Variants in UBE3C observed in about 807,000 individuals in gnomAD.
UBE3C encodes the protein ubiquitin-protein ligase E3C.
A neutral mutation model predicts 129.4 loss-of-function variants in UBE3C; 42 were observed. The observed-to-expected ratio is 0.32, with a 90% CI of 0.25 to 0.42. UBE3C has a LOEUF of 0.42. UBE3C is among the 10% of genes least tolerant of loss of function. The pLI, the probability that UBE3C is intolerant of heterozygous loss-of-function variation, is 1.00. For missense variants in UBE3C, 1,049 were observed against 1,319.1 expected (o/e 0.80, Z 3.17); for synonymous variants, 510 against 492.4 (o/e 1.04, Z -0.47).
At chr7:157,190,706 G>T (rs1412579402) in intron 10 of UBE3C, among the ~76,000 whole-genome samples, 1 of 152,160 alleles carries the variant, frequency 6.6e-6, no homozygotes, top group Non-Finnish European at 1.5e-5. Flanking sequence ...GAACAGTGTA[G>T]ACTCCCTTTG....
intron 15 of UBE3C, chr7:157,222,539 C>T (rs1004958587): frequency 9.9e-5 from 15 of 152,194 alleles, no homozygotes; most frequent in Non-Finnish European, 1.6e-4. Context: ...CCCACCTCAG[C>T]CTCCTGAGTA....
chr7:157,151,796 C>T (rs1312727643), intron 1 of UBE3C, among the ~76,000 whole-genome samples: 1 of 152,176 alleles, frequency 6.6e-6, no homozygotes, highest in African/African-American at 2.4e-5. Context: ...TCAGTCAGCC[C>T]TTGGTTTGTC....
intron 22 of UBE3C, among the ~76,000 whole-genome samples, chr7:157,267,152 G>A (rs1343469469): frequency 6.6e-6 from 1 of 152,134 alleles, no homozygotes; most frequent in Non-Finnish European, 1.5e-5. Context: ...GGCCAGGCAC[G>A]GTGGCTCACG....
At chr7:157,259,966 A>G (rs1387161622) in intron 22 of UBE3C, among the ~76,000 whole-genome samples, 1 of 152,192 alleles carries the variant, frequency 6.6e-6, no homozygotes, top group Non-Finnish European at 1.5e-5. Flanking sequence ...AGTGAGGCCT[A>G]AGTGCAGTGA....
intron 22 of UBE3C, chr7:157,263,335 C>G (rs1385822633): frequency 1.3e-5 from 2 of 152,678 alleles, no homozygotes; most frequent in Non-Finnish European, 2.9e-5. Flanking sequence ...ACAGAGAATC[C>G]GTGCCCTTTT....
chr7:157,163,317 G>A (rs2116860410), intron 1 of UBE3C, among the ~76,000 whole-genome samples: 1 of 150,454 alleles, frequency 6.6e-6, no homozygotes, highest in East Asian at 2.0e-4. Flanking sequence ...AACCCGGGAG[G>A]CGGAGCTTGC....
intron 14 of UBE3C, among the ~76,000 whole-genome samples, chr7:157,220,180 C>G (rs1795698756): frequency 6.6e-6 from 1 of 152,004 alleles, no homozygotes; most frequent in Non-Finnish European, 1.5e-5. Context: ...CACTGCATTC[C>G]AGCCTGGGTG....
Position 157,148,852 on chromosome 7 carries a change from C to T in UBE3C, c.66+9514C>T, listed in dbSNP as rs185704543. On this transcript the variant is annotated intron_variant, in intron 1 of 22. Coordinates refer to ENST00000348165, the MANE Select transcript of UBE3C (RefSeq NM_014671.3). Reference sequence around the variant, plus strand: ...GCAGCCTCAAACTCCTGATCTCCAGCGATTCTCCTGCCTCAGCCTCCTGAG... The same window carrying T: ...GCAGCCTCAAACTCCTGATCTCCAGTGATTCTCCTGCCTCAGCCTCCTGAG... Among the ~76,000 whole-genome samples the T allele has an allele frequency of 2.1e-3, 317 of 151,180 alleles. 2 individuals carry two copies. The highest frequency in any genetic ancestry group is 2.5e-3 in the Non-Finnish European group (170 of 67,854).
chr7:157,193,069 A>G (rs1394117925), intron 10 of UBE3C, among the ~76,000 whole-genome samples: 1 of 152,138 alleles, frequency 6.6e-6, no homozygotes, highest in East Asian at 1.9e-4. Flanking sequence ...AGCGCGCCTG[A>G]GTGTCTAAGG....
intron 18 of UBE3C, among the ~76,000 whole-genome samples, chr7:157,237,226 G>C (rs1418507654): frequency 6.6e-6 from 1 of 151,774 alleles, no homozygotes; most frequent in Middle Eastern, 3.4e-3. Context: ...CAGATCACCA[G>C]GTCAGGAGAT....
intron 11 of UBE3C, among the ~76,000 whole-genome samples, chr7:157,206,600 C>G (rs2117004512): frequency 6.8e-6 from 1 of 146,536 alleles, no homozygotes; most frequent in Admixed American, 6.8e-5. Context: ...ATATTTTAAA[C>G]TTCTTTGAAA....
rs1444714710 is a variant in UBE3C at position 157,261,313 on chromosome 7, A to G, written c.3081+4269A>G. Among the ~76,000 whole-genome samples the G allele has an allele frequency of 5.5e-3, 366 of 66,926 alleles. 3 individuals are homozygous for G. Among genetic ancestry groups the G allele is most frequent in the African/African-American group, 0.028 (349 of 12,574 alleles). 43.9% of individuals were successfully genotyped at this position (66,926 alleles called of 152,430 possible). The stretch of plus-strand genomic sequence containing the variant: ...AAGAGCAAAACTCTGTCTGAAAAAA[A>G]AAAAAAAAAAAAAAAAAAAAAAAAA... On this transcript the variant is annotated intron_variant, in intron 22 of 22. Coordinates refer to ENST00000348165, the MANE Select transcript of UBE3C (RefSeq NM_014671.3).
At chr7:157,180,077 C>G (rs932849613) in intron 6 of UBE3C, among the ~76,000 whole-genome samples, 3 of 152,118 alleles carry the variant, frequency 2.0e-5, no homozygotes. Context: ...TGAAATGTGT[C>G]CCAATATACG....
chr7:157,254,981 C>T (rs576865670), intron 21 of UBE3C, among the ~76,000 whole-genome samples: 3 of 131,900 alleles, frequency 2.3e-5, no homozygotes, highest in East Asian at 5.0e-4. Flanking sequence ...GGCGTGGTGG[C>T]GTACACCTGC....
chr7:157,164,497 G>A (rs1808160955), intron 2 of UBE3C: 1 of 456,536 alleles, frequency 2.2e-6, no homozygotes. Flanking sequence ...AAAGCTCACT[G>A]TTAAGACATG....
At chr7:157,141,489 A>G (rs1383017647) in intron 1 of UBE3C, among the ~76,000 whole-genome samples, 1 of 152,212 alleles carries the variant, frequency 6.6e-6, no homozygotes, top group Non-Finnish European at 1.5e-5. Flanking sequence ...TGCTTGGTAC[A>G]GCCCGTTGCC....
At chr7:157,251,789 T>G (rs1385576989) in intron 19 of UBE3C, among the ~76,000 whole-genome samples, 2 of 152,204 alleles carry the variant, frequency 1.3e-5, no homozygotes, top group South Asian at 4.1e-4. Flanking sequence ...CATAGTTGTT[T>G]AGGCTTAGCC....
chr7:157,201,828 TA>T, intron 11 of UBE3C, 21 bp downstream of exon 11: 1 of 1,583,440 alleles, frequency 6.3e-7, no homozygotes. Context: ...TACAGACTTA[TA>T]AATTGAGCTC....
At chr7:157,261,471 C>T (rs1796913293) in intron 22 of UBE3C, among the ~76,000 whole-genome samples, 1 of 147,952 alleles carries the variant, frequency 6.8e-6, no homozygotes, top group African/African-American at 2.6e-5. Flanking sequence ...TCTCAATGTT[C>T]TAACATATGT....
Sources: gnomAD v4.1 joint callset for allele counts (sites outside exome capture counted in the v4.1 genomes callset) on GRCh38, gnomAD v4.1.1 for gene constraint, MANE v1.5 for transcripts, NCBI Gene and HGNC (gene_info 2026-07-23, HGNC 2026-07-21) for gene names.